Variants in TMEM132D observed in about 807,000 individuals in gnomAD.
The protein encoded by TMEM132D is mature OL transmembrane protein.
In TMEM132D, 21 loss-of-function variants were observed where a neutral mutation model predicts 62.3. That is an observed-to-expected ratio of 0.34 (90% CI 0.24 to 0.49). The LOEUF (loss-of-function observed/expected upper bound fraction) is 0.49. Among genes scored for constraint, TMEM132D ranks in the 20% least tolerant of loss-of-function variants. The pLI is 0.99. For missense variants in TMEM132D, 1,346 were observed against 1,402.8 expected, an observed-to-expected ratio of 0.96 and a Z score of 0.65; for synonymous variants, 621 against 575.6, an observed-to-expected ratio of 1.08 and a Z score of -1.13.
At chr12:129,269,761 T>C (rs565992227) in intron 4 of TMEM132D, among the ~76,000 whole-genome samples, 2 of 152,310 alleles carry the variant, frequency 1.3e-5, no homozygotes, top group Non-Finnish European at 2.9e-5. Context: ...TCCTGGTCTC[T>C]CGTGTCTCGT....
intron 2 of TMEM132D, among the ~76,000 whole-genome samples, chr12:129,624,473 G>C (rs1306974668): frequency 6.6e-6 from 1 of 152,232 alleles, no homozygotes; most frequent in Non-Finnish European, 1.5e-5. Flanking sequence ...GTTAGGAGCT[G>C]TGTGGGACCC....
intron 3 of TMEM132D, among the ~76,000 whole-genome samples, chr12:129,433,056 T>C (rs148941059): frequency 2.1e-4 from 32 of 152,320 alleles, no homozygotes; most frequent in African/African-American, 7.5e-4. Context: ...TCCTTTGTAC[T>C]CAACATGATG....
intron 3 of TMEM132D, among the ~76,000 whole-genome samples, chr12:129,419,106 G>A (rs1272756895): frequency 6.6e-6 from 1 of 152,184 alleles, no homozygotes; most frequent in African/African-American, 2.4e-5. Flanking sequence ...TTCCCACCCA[G>A]TTTGTGGGAC....
chr12:129,345,467 A>G (rs2135664730), intron 3 of TMEM132D, among the ~76,000 whole-genome samples: 1 of 152,356 alleles, frequency 6.6e-6, no homozygotes, highest in South Asian at 2.1e-4. Context: ...TGGGCTTAAG[A>G]AGACAAAACT....
chr12:129,737,051 C>T (rs1000153289), intron 1 of TMEM132D, among the ~76,000 whole-genome samples: 11 of 152,104 alleles, frequency 7.2e-5, no homozygotes, highest in Non-Finnish European at 5.9e-5. Context: ...CTTCTGACCT[C>T]ATGATCCGCC....
At chr12:129,167,271 G>A (rs780800388) in intron 5 of TMEM132D, among the ~76,000 whole-genome samples, 7 of 151,872 alleles carry the variant, frequency 4.6e-5, no homozygotes, top group Non-Finnish European at 1.0e-4. Context: ...TCACCATCTC[G>A]CAGCAGGTGG....
chr12:129,199,385 A>G (rs1320313625), intron 5 of TMEM132D, among the ~76,000 whole-genome samples: 1 of 152,154 alleles, frequency 6.6e-6, no homozygotes, highest in Non-Finnish European at 1.5e-5. Flanking sequence ...TACAGGTGTG[A>G]ACCACCACGC....
intron 2 of TMEM132D, among the ~76,000 whole-genome samples, chr12:129,532,554 T>C (rs1876259730): frequency 6.6e-6 from 1 of 152,220 alleles, no homozygotes; most frequent in Non-Finnish European, 1.5e-5. Context: ...AGAAAAGACC[T>C]GAGGCTGCAG....
At chr12:129,787,052 G>A (rs1430281192) in intron 1 of TMEM132D, among the ~76,000 whole-genome samples, 1 of 152,190 alleles carries the variant, frequency 6.6e-6, no homozygotes, top group Admixed American at 6.5e-5. Flanking sequence ...GAGAGGGTCT[G>A]TGCAGGGCAC....
intron 2 of TMEM132D, among the ~76,000 whole-genome samples, chr12:129,588,192 G>A (rs79855276): frequency 5.9e-5 from 9 of 152,258 alleles, no homozygotes; most frequent in Admixed American, 1.3e-4. Flanking sequence ...AAGATCATTC[G>A]CTTAATTCCA....
Position 129,293,786 on chromosome 12 carries a change from C to T in TMEM132D, c.1299+43848G>A, listed in dbSNP as rs998346329. Among the ~76,000 whole-genome samples, 10 of 152,116 alleles carry T rather than the reference C, an allele frequency of 6.6e-5. No individual in the cohort carries two copies. In the East Asian group the frequency reaches 9.7e-4, roughly 15 times the overall value. On this transcript the variant is annotated intron_variant, in intron 4 of 8. Transcript: ENST00000422113. Reference sequence around the variant, plus strand: ...AGGAGGTAGAGCTTGGGTAGTAATGCGAGCCATGGGGAGCAGCTGTAAATA... The same window carrying T: ...AGGAGGTAGAGCTTGGGTAGTAATGTGAGCCATGGGGAGCAGCTGTAAATA...
rs191834960 is a variant in TMEM132D, at chr12:129,407,673, G to A, written c.1116-69856C>T. On this transcript the variant is annotated intron_variant, in intron 3 of 8. Transcript: ENST00000422113. ...TGTAATCCCAGCACTTTGGGAGACC[G>A]AGGCAGGCGGATCATGAGGTCAGGA... Among the ~76,000 whole-genome samples the A allele has an allele frequency of 2.8e-4, 42 of 152,056 alleles. No homozygotes were observed. In the East Asian group the frequency reaches 7.6e-3, roughly 27 times the overall value.
chr12:129,241,736 T>C (rs770402113), intron 4 of TMEM132D, among the ~76,000 whole-genome samples: 1 of 152,224 alleles, frequency 6.6e-6, no homozygotes, highest in Non-Finnish European at 1.5e-5. Context: ...AAGATCTATC[T>C]TTCCTGCCAG....
chr12:129,653,383 G>A (rs1204913592), intron 2 of TMEM132D, among the ~76,000 whole-genome samples: 1 of 152,158 alleles, frequency 6.6e-6, no homozygotes, highest in Admixed American at 6.5e-5. Context: ...TATGGGGCCC[G>A]TGAACAATGA....
intron 3 of TMEM132D, among the ~76,000 whole-genome samples, chr12:129,460,729 C>T (rs921054371): frequency 2.0e-5 from 3 of 152,156 alleles, no homozygotes; most frequent in Non-Finnish European, 4.4e-5. Context: ...AGACAGAGTG[C>T]TATATATGAC....
intron 1 of TMEM132D, among the ~76,000 whole-genome samples, chr12:129,826,570 A>G (rs1326190902): frequency 6.6e-6 from 1 of 152,166 alleles, no homozygotes; most frequent in Non-Finnish European, 1.5e-5. Context: ...TTTGAACTCA[A>G]CTTTGTACTC....
rs1870875155 is a variant in TMEM132D at position 129,379,407 on chromosome 12, T to C, written c.1116-41590A>G. Among the ~76,000 whole-genome samples the C allele has an allele frequency of 2.0e-5, 3 of 152,268 alleles. 1 individual carries two copies. In the South Asian group the frequency reaches 6.2e-4, roughly 32 times the overall value. On this transcript the variant is annotated intron_variant, in intron 3 of 8. Transcript: ENST00000422113. ...AGATGTCTCTGTCCGTAGCAAGACA[T>C]CTGGACTGATAATAACTGGGAAACA...
intron 3 of TMEM132D, among the ~76,000 whole-genome samples, chr12:129,402,586 C>T (rs1566057933): frequency 6.6e-6 from 1 of 152,160 alleles, no homozygotes; most frequent in Non-Finnish European, 1.5e-5. Context: ...TCTTTCTTGT[C>T]TTGAGACAGG....
chr12:129,351,934 T>C (rs1258610924), intron 3 of TMEM132D, among the ~76,000 whole-genome samples: 7 of 152,210 alleles, frequency 4.6e-5, no homozygotes, highest in Non-Finnish European at 7.3e-5. Context: ...TAGGCAGGAA[T>C]ATCATCACTC....
Sources: allele counts gnomAD v4.1 joint callset (sites outside exome capture counted in the v4.1 genomes callset), GRCh38; gene constraint gnomAD v4.1.1; transcripts MANE v1.5; gene names NCBI Gene and HGNC (gene_info 2026-07-23, HGNC 2026-07-21).